Variants in GML observed in about 807,000 individuals in gnomAD.
GML encodes glycosyl-phosphatidylinositol-anchored molecule-like protein.
Under a neutral mutation model 8.2 loss-of-function variants are expected in GML, and 5 were observed. That is an observed-to-expected ratio of 0.61 (90% confidence interval 0.32 to 1.28). GML has a LOEUF of 1.28. Ranked by LOEUF, GML falls within the 50% of genes most tolerant of loss-of-function variation. The pLI is 0.06. For synonymous variants in GML, 72 were observed against 69.0 expected, an observed-to-expected ratio of 1.04 and a Z score of -0.22; for missense variants, 191 against 198.3, an observed-to-expected ratio of 0.96 and a Z score of 0.22.
chr8:142,835,539 C>T (rs1429907443), intron 1 of GML, among the ~76,000 whole-genome samples: 1 of 152,200 alleles, frequency 6.6e-6, no homozygotes, highest in Non-Finnish European at 1.5e-5. Context: ...CCTGCTTTTC[C>T]TTCCGTGTCC....
chr8:142,836,802 C>T (rs975223637), intron 1 of GML, among the ~76,000 whole-genome samples: 2 of 152,178 alleles, frequency 1.3e-5, no homozygotes, highest in East Asian at 1.9e-4. Flanking sequence ...CCTCTGGAGC[C>T]GGCCCTGTCT....
intron 1 of GML, among the ~76,000 whole-genome samples, chr8:142,840,017 C>T (rs1434781916): frequency 6.8e-6 from 1 of 147,004 alleles, no homozygotes; most frequent in Non-Finnish European, 1.5e-5. Flanking sequence ...GGAAGCGCGT[C>T]AGTGGGCGGA....
At position 142,840,888 on chromosome 8, in the gene GML, C is replaced by T. The variant is rs1192920216; in HGVS notation, c.74-230C>T. Among the ~76,000 whole-genome samples the T allele has an allele frequency of 5.3e-5, 8 of 152,174 alleles. No homozygotes were observed. In the East Asian group the frequency reaches 1.5e-3, roughly 29 times the overall value. On this transcript the variant is annotated intron_variant, in intron 2 of 3. Coordinates refer to ENST00000220940, the MANE Select transcript of GML (RefSeq NM_002066.3). ...CGTATGTGACCACCAGTGGCGCTCT[C>T]TGGAGCCTGCGTTGGAGAGCAGGGA...
At position 142,841,135 on chromosome 8, in the gene GML, T is replaced by G. The variant is rs373513004; in HGVS notation, c.91T>G (p.Cys31Gly). ...MRAQWTYSLR[C>G]HDCAVINDFN... The stretch of plus-strand genomic sequence containing the variant: ...CCTCTCAGGGACTTACAGTTTGAGA[T>G]GCCATGACTGTGCGGTCATAAATGA... Residue 31 changes from cysteine (C) to glycine (G), a missense_variant, in exon 3 of 4, where the codon TGC (cysteine) becomes GGC (glycine). By Grantham distance (159) the Cys-to-Gly change is radical. Coordinates refer to ENST00000220940, the MANE Select transcript of GML (RefSeq NM_002066.3). The G allele has an allele frequency of 4.5e-6, 7 of 1,552,958 alleles. No homozygotes were observed. In the African/African-American group the frequency reaches 8.1e-5, roughly 18 times the overall value.
intron 1 of GML, among the ~76,000 whole-genome samples, chr8:142,836,190 A>G (rs973904257): frequency 3.3e-5 from 5 of 152,378 alleles, no homozygotes; most frequent in Middle Eastern, 3.4e-3. Flanking sequence ...CACGTGGCCC[A>G]GACTTGTGAT....
At chr8:142,835,660 G>T (rs1219561916) in intron 1 of GML, among the ~76,000 whole-genome samples, 2 of 152,140 alleles carry the variant, frequency 1.3e-5, no homozygotes, top group African/African-American at 2.4e-5. Context: ...TTATTTGGAG[G>T]TGTGTTCTTA....
intron 3 of GML, among the ~76,000 whole-genome samples, chr8:142,841,533 C>A (rs949290878): frequency 1.3e-5 from 2 of 152,162 alleles, no homozygotes; most frequent in Non-Finnish European, 2.9e-5. Flanking sequence ...TGTGTAGACA[C>A]CCCATGCTGC....
chr8:142,838,861 T>C (rs535109238), intron 1 of GML, among the ~76,000 whole-genome samples: 13 of 152,230 alleles, frequency 8.5e-5, no homozygotes, highest in Non-Finnish European at 1.9e-4. Flanking sequence ...ATACAGTTAC[T>C]GTGGACTTTC....
intron 3 of GML, among the ~76,000 whole-genome samples, chr8:142,843,255 T>TACACACACACACACACACACACAC (rs55778635): frequency 3.5e-4 from 49 of 140,096 alleles, no homozygotes; most frequent in East Asian, 9.5e-4. Context: ...AAAAGGTTCA[T>TACACACACACACACACACACACAC]ACACACACAC....
chr8:142,844,110 G>T (rs1008065329), intron 3 of GML, among the ~76,000 whole-genome samples: 2 of 151,906 alleles, frequency 1.3e-5, no homozygotes, highest in Non-Finnish European at 1.5e-5. Context: ...TTTGGTGTTG[G>T]ATCCTGTGGT....
At chr8:142,845,839 G>GGGA (rs1475019266) in intron 3 of GML, among the ~76,000 whole-genome samples, 1 of 152,314 alleles carries the variant, frequency 6.6e-6, no homozygotes, top group East Asian at 1.9e-4. Context: ...GTCTGTACTG[G>GGGA]GGAGGAGGTT....
intron 3 of GML, among the ~76,000 whole-genome samples, chr8:142,842,888 G>A (rs1319123760): frequency 6.6e-6 from 1 of 152,236 alleles, no homozygotes; most frequent in African/African-American, 2.4e-5. Flanking sequence ...GCTCTGGACT[G>A]TTGTTCCTCT....
At position 142,846,517 on chromosome 8, in the gene GML, G is replaced by A. The variant is rs770394915; in HGVS notation, c.304G>A (p.Val102Ile). The A allele has an allele frequency of 3.7e-6, 6 of 1,613,938 alleles. No homozygotes were observed. The highest frequency in any genetic ancestry group is 3.3e-5 in the South Asian group (3 of 91,088). The part of the protein sequence containing the change: ...KIFKTNSFYW[V>I]CCCNSMVCNA... Reference sequence around the variant, plus strand: ...CTTCAAAACTAATAGCTTCTACTGGGTTTGTTGTTGTAATAGCATGGTTTG... The same window carrying A: ...CTTCAAAACTAATAGCTTCTACTGGATTTGTTGTTGTAATAGCATGGTTTG... Residue 102 changes from valine (V) to isoleucine (I), a missense_variant, in exon 4 of 4, where the codon GTT becomes ATT. Physicochemically the swap from Val to Ile is conservative, Grantham distance 29. Coordinates refer to ENST00000220940, the MANE Select transcript of GML (RefSeq NM_002066.3).
intron 1 of GML, among the ~76,000 whole-genome samples, chr8:142,838,148 A>G (rs1381670426): frequency 6.7e-6 from 1 of 149,444 alleles, no homozygotes; most frequent in African/African-American, 2.5e-5. Context: ...GTGACTTTTA[A>G]CTCTGTGGAT....
At chr8:142,840,969 C>T in intron 2 of GML, 149 bp from the exon 3 acceptor site, 4 of 610,750 alleles carry the variant, frequency 6.5e-6, no homozygotes, top group Non-Finnish European at 8.8e-6. Context: ...CAGACTCAGA[C>T]TGCATAGAGA....
Position 142,841,179 on chromosome 8 carries a change from TAG to T in GML, c.138_139del (p.Arg46SerfsTer7). 1 of 1,582,098 alleles carries T rather than the reference TAG, an allele frequency of 6.3e-7. No homozygotes were observed. On this transcript the variant is annotated frameshift_variant, in exon 3 of 4. Transcript: ENST00000220940. LOFTEE classifies it low-confidence loss of function (END_TRUNC). ...TAAATGACTTCAACTGTCCCAACAT[TAG>T]AGTATGTCCGTATCATATTAGGCGC... ...VINDFNCPNIRVCPYHIRRCM... is the reference protein window; with the variant it reads ...VINDFNCPNIXVCPYHIRRCM...
intron 3 of GML, among the ~76,000 whole-genome samples, chr8:142,844,980 CAA>C (rs1816485334): frequency 6.6e-6 from 1 of 152,180 alleles, no homozygotes; most frequent in African/African-American, 2.4e-5. Context: ...AAATACAAGA[CAA>C]GAGTATTCAT....
intron 2 of GML, 145 bp from the exon 3 acceptor site, chr8:142,840,973 A>G (rs1017432609): frequency 1.5e-5 from 9 of 618,660 alleles, no homozygotes; most frequent in South Asian, 5.7e-5. Context: ...CTCAGACTGC[A>G]TAGAGAGCTG....
intron 3 of GML, among the ~76,000 whole-genome samples, chr8:142,841,748 C>T (rs959764268): frequency 6.6e-6 from 1 of 152,180 alleles, no homozygotes; most frequent in Non-Finnish European, 1.5e-5. Context: ...GGTGCCCTCT[C>T]TCCCCAGGGC....
Sources: gnomAD v4.1 joint callset for allele counts (sites outside exome capture counted in the v4.1 genomes callset) on GRCh38, gnomAD v4.1.1 for gene constraint, MANE v1.5 for transcripts, NCBI Gene and HGNC (gene_info 2026-07-23, HGNC 2026-07-21) for gene names.